Variants in ULK4 observed in about 807,000 individuals in gnomAD.
ULK4 encodes inactive serine/threonine-protein kinase ULK4.
Under a neutral mutation model 160.6 loss-of-function variants are expected in ULK4, and 133 were observed. That is an observed-to-expected ratio of 0.83 (90% confidence interval 0.72 to 0.96). The LOEUF is 0.96. Ranked by LOEUF, ULK4 falls within the 40% of genes least tolerant of loss-of-function variation. The pLI is 0.00. For missense variants in ULK4, 1,580 were observed against 1,499.5 expected, an observed-to-expected ratio of 1.05 and a Z score of -0.89; for synonymous variants, 534 against 539.8, an observed-to-expected ratio of 0.99 and a Z score of 0.15.
At chr3:41,670,150 T>C (rs150675909) in intron 29 of ULK4, among the ~76,000 whole-genome samples, 2 of 152,200 alleles carry the variant, frequency 1.3e-5, no homozygotes, top group African/African-American at 4.8e-5. Flanking sequence ...TTTACAGAGA[T>C]GTGTGTGGAA....
At chr3:41,248,149 C>T (rs1345155763) in intron 36 of ULK4, among the ~76,000 whole-genome samples, 4 of 152,178 alleles carry the variant, frequency 2.6e-5, no homozygotes, top group Non-Finnish European at 5.9e-5. Context: ...ACCCATAGCG[C>T]AGGTGCCTAG....
chr3:41,448,761 T>C (rs903955184), intron 34 of ULK4, among the ~76,000 whole-genome samples: 8 of 152,176 alleles, frequency 5.3e-5, no homozygotes, highest in Admixed American at 5.2e-4. Context: ...CAGGGCTTGA[T>C]GAAACGGGGC....
chr3:41,668,212 T>A (rs1242036324), intron 29 of ULK4, among the ~76,000 whole-genome samples: 2 of 152,256 alleles, frequency 1.3e-5, no homozygotes, highest in South Asian at 4.1e-4. Flanking sequence ...GATTCCAGAA[T>A]AATCAGCAAA....
chr3:41,961,694 C>T (rs1419625872), intron 1 of ULK4, among the ~76,000 whole-genome samples: 3 of 152,286 alleles, frequency 2.0e-5, no homozygotes, highest in South Asian at 4.1e-4. Context: ...AGACGCGGTC[C>T]GCTCTGGGAA....
intron 31 of ULK4, among the ~76,000 whole-genome samples, chr3:41,581,909 C>G (rs1019385273): frequency 2.0e-5 from 3 of 152,180 alleles, no homozygotes; most frequent in Non-Finnish European, 4.4e-5. Context: ...TGAGATGAGA[C>G]AAAGGTCTTG....
At chr3:41,307,160 A>T (rs1053688108) in intron 35 of ULK4, among the ~76,000 whole-genome samples, 2 of 81,214 alleles carry the variant, frequency 2.5e-5, no homozygotes, top group African/African-American at 1.4e-4. Flanking sequence ...TAAATAAATT[A>T]AAAAAAAAAA....
At chr3:41,941,366 T>TA (rs1699950610) in intron 2 of ULK4, among the ~76,000 whole-genome samples, 1 of 150,788 alleles carries the variant, frequency 6.6e-6, no homozygotes, top group Non-Finnish European at 1.5e-5. Flanking sequence ...CCTTTTTTTT[T>TA]AAAGTCACAT....
chr3:41,410,204 G>C (rs1401145460), intron 34 of ULK4, among the ~76,000 whole-genome samples: 4 of 152,090 alleles, frequency 2.6e-5, no homozygotes, highest in African/African-American at 9.7e-5. Flanking sequence ...GAAAGTCTAT[G>C]TTTACATAAC....
At chr3:41,552,974 A>G (rs2087131085) in intron 32 of ULK4, among the ~76,000 whole-genome samples, 1 of 152,090 alleles carries the variant, frequency 6.6e-6, no homozygotes, top group African/African-American at 2.4e-5. Flanking sequence ...CTGATTTTCA[A>G]CAATGATGCC....
At chr3:41,313,252 G>A (rs2080084427) in intron 35 of ULK4, among the ~76,000 whole-genome samples, 1 of 152,158 alleles carries the variant, frequency 6.6e-6, no homozygotes, top group South Asian at 2.1e-4. Flanking sequence ...TAATGCTTTG[G>A]TTTCATCATT....
rs75963284 is a variant in ULK4 at position 41,813,796 on chromosome 3, C to A, written c.1848+5627G>T. 4.2e-4 allele frequency among the ~76,000 whole-genome samples: 64 copies of A among 152,314 alleles called. No homozygotes were observed. The East Asian group carries it at 0.012, about 28-fold the overall frequency. On this transcript the variant is annotated intron_variant, in intron 19 of 36. Coordinates refer to ENST00000301831, the MANE Select transcript of ULK4 (RefSeq NM_017886.4). ...CTCACAATTCCCCTTGCCTTTCATG[C>A]AGTGAAGGTGGGCAACGTGTGTGGA... is the stretch of plus-strand genomic sequence containing the variant.
At position 41,412,553 on chromosome 3, in the gene ULK4, ATT is replaced by A. The variant is rs57224854; in HGVS notation, c.3493-14291_3493-14290del. On this transcript the variant is annotated intron_variant, in intron 34 of 36. Transcript: ENST00000301831. ...TAAAGGTCAATGGCAATGCAGTTGA[ATT>A]TTTTTTTTTTTTTTTTTTTTTTTGA... 9.2e-3 allele frequency among the ~76,000 whole-genome samples: 927 copies of A among 100,390 alleles called. 11 individuals carry two copies. The highest frequency in any genetic ancestry group is 0.041 in the East Asian group (162 of 3,972). The allele number at this position is 100,390 out of a possible 152,430, so 65.9% of individuals were successfully genotyped here.
intron 29 of ULK4, among the ~76,000 whole-genome samples, chr3:41,668,475 T>G (rs1230986368): frequency 6.6e-6 from 1 of 152,206 alleles, no homozygotes; most frequent in Non-Finnish European, 1.5e-5. Context: ...CAGTATTCAG[T>G]GCAGTAACAT....
At chr3:41,770,618 C>T (rs1221834359) in intron 21 of ULK4, among the ~76,000 whole-genome samples, 1 of 151,692 alleles carries the variant, frequency 6.6e-6, no homozygotes, top group Non-Finnish European at 1.5e-5. Flanking sequence ...TCAAGTGATC[C>T]TCCTGCCTCA....
chr3:41,872,149 G>A (rs1417830881), intron 17 of ULK4, among the ~76,000 whole-genome samples: 1 of 152,144 alleles, frequency 6.6e-6, no homozygotes, highest in Non-Finnish European at 1.5e-5. Context: ...GTCCTAAGGT[G>A]TGGCATGGCC....
At chr3:41,306,132 G>T (rs1356636422) in intron 35 of ULK4, among the ~76,000 whole-genome samples, 2 of 107,524 alleles carry the variant, frequency 1.9e-5, no homozygotes, top group African/African-American at 9.5e-5. Flanking sequence ...GGGAGGTGGG[G>T]GGGGGGGGTC....
At chr3:41,379,265 G>C (rs1033983767) in intron 35 of ULK4, among the ~76,000 whole-genome samples, 1 of 152,084 alleles carries the variant, frequency 6.6e-6, no homozygotes, top group Non-Finnish European at 1.5e-5. Flanking sequence ...TACATGTACT[G>C]TATGGAACTC....
Position 41,495,205 on chromosome 3 carries a change from G to A in ULK4, c.3227-31952C>T, listed in dbSNP as rs1053124389. Reference sequence around the variant, plus strand: ...ATACAAGGCTACAGTAACCAAAACAGCATGGTACTGGTACCAAAACAGAGA... The same window carrying A: ...ATACAAGGCTACAGTAACCAAAACAACATGGTACTGGTACCAAAACAGAGA... On this transcript the variant is annotated intron_variant, in intron 32 of 36. Coordinates refer to ENST00000301831, the MANE Select transcript of ULK4 (RefSeq NM_017886.4). Among the ~76,000 whole-genome samples the A allele has an allele frequency of 3.3e-5, 5 of 152,242 alleles. No individual in the cohort carries two copies. In the East Asian group the frequency reaches 7.7e-4, roughly 24 times the overall value.
chr3:41,941,204 C>A (rs570528559), intron 2 of ULK4, among the ~76,000 whole-genome samples: 1 of 151,870 alleles, frequency 6.6e-6, no homozygotes, highest in South Asian at 2.1e-4. Flanking sequence ...ATTCGGCTGA[C>A]TTTTTTGATT....
Sources: allele counts gnomAD v4.1 joint callset (sites outside exome capture counted in the v4.1 genomes callset), GRCh38; gene constraint gnomAD v4.1.1; transcripts MANE v1.5; gene names NCBI Gene and HGNC (gene_info 2026-07-23, HGNC 2026-07-21).